Variants in MTHFD2L observed in about 807,000 individuals in gnomAD.
MTHFD2L encodes methylenetetrahydrofolate dehydrogenase (NADP+ dependent) 2 like.
Under a neutral mutation model 34.9 loss-of-function variants are expected in MTHFD2L, and 29 were observed. That is an observed-to-expected ratio of 0.83 (90% CI 0.62 to 1.13). The LOEUF (loss-of-function observed/expected upper bound fraction) is 1.13. MTHFD2L is among the 50% of genes most tolerant of loss of function. The pLI is 0.00. For missense variants in MTHFD2L, 481 were observed against 446.5 expected (o/e 1.08, Z -0.70); for synonymous variants, 167 against 155.7 (o/e 1.07, Z -0.54).
chr4:74,143,454 A>C (rs1208792021), intron 1 of MTHFD2L: 6 of 985,270 alleles, frequency 6.1e-6, no homozygotes, highest in Non-Finnish European at 6.0e-6. Context: ...CTGAGTTTGG[A>C]AGGGTCCTAG....
At chr4:74,237,169 T>C (rs535544958) in intron 6 of MTHFD2L, among the ~76,000 whole-genome samples, 11 of 152,056 alleles carry the variant, frequency 7.2e-5, no homozygotes, top group Non-Finnish European at 1.5e-4. Context: ...ACATGACATA[T>C]GTGATGAGTA....
chr4:74,123,321 G>A (rs1327636160), upstream of MTHFD2L: 2 of 152,136 alleles, frequency 1.3e-5, no homozygotes, highest in Admixed American at 1.3e-4. Flanking sequence ...TAGGGACTGT[G>A]GGAAACTGGA....
intron 1 of MTHFD2L, among the ~76,000 whole-genome samples, chr4:74,164,079 G>A (rs1296487846): frequency 2.0e-5 from 3 of 152,106 alleles, no homozygotes; most frequent in Non-Finnish European, 4.4e-5. Flanking sequence ...GTTTCACCGT[G>A]TTAGCCAGGA....
chr4:74,271,146 C>A (rs1371629720), intron 6 of MTHFD2L, among the ~76,000 whole-genome samples: 3 of 152,134 alleles, frequency 2.0e-5, no homozygotes, highest in African/African-American at 4.8e-5. Context: ...ATTGTAGTTT[C>A]TTTTGCTGTG....
At chr4:74,152,267 A>G (rs1478578761) in intron 1 of MTHFD2L, among the ~76,000 whole-genome samples, 1 of 152,052 alleles carries the variant, frequency 6.6e-6, no homozygotes, top group Non-Finnish European at 1.5e-5. Context: ...ATGACTTATC[A>G]TATTTTGAGG....
chr4:74,124,056 G>A (rs1238771468), upstream of MTHFD2L, among the ~76,000 whole-genome samples: 1 of 151,732 alleles, frequency 6.6e-6, no homozygotes, highest in Non-Finnish European at 1.5e-5. Flanking sequence ...TTCCATTGGG[G>A]GGCACAGTTG....
At chr4:74,127,606 T>C (rs1722171248) in intron 1 of MTHFD2L, among the ~76,000 whole-genome samples, 1 of 152,178 alleles carries the variant, frequency 6.6e-6, no homozygotes, top group Non-Finnish European at 1.5e-5. Flanking sequence ...CTGAAAAATA[T>C]TCAATTATGT....
At chr4:74,186,744 A>T (rs557217186) in intron 3 of MTHFD2L, among the ~76,000 whole-genome samples, 18 of 152,232 alleles carry the variant, frequency 1.2e-4, no homozygotes, top group Non-Finnish European at 2.5e-4. Context: ...TACTGTTAAA[A>T]TACCAATTTT....
chr4:74,115,769 A>T (rs1721646513), intron 2 of MTHFD2L, among the ~76,000 whole-genome samples: 1 of 152,248 alleles, frequency 6.6e-6, no homozygotes, highest in Non-Finnish European at 1.5e-5. Flanking sequence ...AAATTAAATT[A>T]CATTTATCAA....
intron 2 of MTHFD2L, among the ~76,000 whole-genome samples, chr4:74,114,904 G>T (rs909431929): frequency 6.6e-6 from 1 of 152,154 alleles, no homozygotes; most frequent in Admixed American, 6.6e-5. Context: ...CAAAAAGAAG[G>T]ATTATTAGCC....
intron 3 of MTHFD2L, among the ~76,000 whole-genome samples, chr4:74,198,467 A>G (rs1005840872): frequency 2.0e-5 from 3 of 151,946 alleles, no homozygotes; most frequent in African/African-American, 4.8e-5. Flanking sequence ...CTAAAAATAG[A>G]TACTCCAAAT....
At chr4:74,180,438 G>A (rs1729918980) in intron 3 of MTHFD2L, among the ~76,000 whole-genome samples, 4 of 152,072 alleles carry the variant, frequency 2.6e-5, no homozygotes, top group African/African-American at 9.7e-5. Flanking sequence ...GTTAGTAAAT[G>A]TGTATTTCAA....
At chr4:74,204,819 A>T (rs1157973096) in intron 5 of MTHFD2L, among the ~76,000 whole-genome samples, 2 of 152,280 alleles carry the variant, frequency 1.3e-5, no homozygotes, top group East Asian at 3.9e-4. Context: ...AGATGCATAC[A>T]TATGCAGTAA....
chr4:74,204,451 G>A (rs1734966275), intron 5 of MTHFD2L, among the ~76,000 whole-genome samples: 1 of 152,078 alleles, frequency 6.6e-6, no homozygotes, highest in African/African-American at 2.4e-5. Context: ...GATTAATGAT[G>A]TGATTTTTAC....
upstream of MTHFD2L, among the ~76,000 whole-genome samples, chr4:74,123,850 C>A (rs1208278002): frequency 6.6e-6 from 1 of 152,032 alleles, no homozygotes; most frequent in Non-Finnish European, 1.5e-5. Flanking sequence ...GCCCTAGGCA[C>A]TATGCCTACT....
At chr4:74,281,628 C>T (rs1277022970) in intron 7 of MTHFD2L, 78 bp downstream of exon 7, 8 of 1,390,248 alleles carry the variant, frequency 5.8e-6, no homozygotes, top group Non-Finnish European at 7.7e-6. Context: ...AGAGAAGTTT[C>T]ATTTATGGAG....
chr4:74,159,063 T>C (rs1724835984), intron 1 of MTHFD2L, among the ~76,000 whole-genome samples: 1 of 152,208 alleles, frequency 6.6e-6, no homozygotes, highest in Non-Finnish European at 1.5e-5. Flanking sequence ...TGTGTCTCAC[T>C]CGAGTTTTTG....
At chr4:74,215,378 G>A (rs1449753111) in intron 5 of MTHFD2L, among the ~76,000 whole-genome samples, 2 of 151,854 alleles carry the variant, frequency 1.3e-5, no homozygotes, top group South Asian at 2.1e-4. Context: ...TGTGGGAAAA[G>A]CGTAGTATCT....
At chr4:74,162,837 C>CT (rs1725756649) in intron 1 of MTHFD2L, among the ~76,000 whole-genome samples, 1 of 152,148 alleles carries the variant, frequency 6.6e-6, no homozygotes, top group Non-Finnish European at 1.5e-5. Flanking sequence ...CGGTGTTCTT[C>CT]TCTACAAGCA....
Sources: gnomAD v4.1 joint callset for allele counts (sites outside exome capture counted in the v4.1 genomes callset) on GRCh38, gnomAD v4.1.1 for gene constraint, MANE v1.5 for transcripts, NCBI Gene and HGNC (gene_info 2026-07-23, HGNC 2026-07-21) for gene names.